Variants in METTL15 observed in about 807,000 individuals in gnomAD.
METTL15 encodes the protein 12S rRNA N(4)-cytidine methyltransferase METTL15.
METTL15 carries 34 observed loss-of-function variants against 38.3 expected under a neutral mutation model. The ratio of observed to expected loss-of-function variants is 0.89; its 90% CI spans 0.68 to 1.18. The LOEUF (loss-of-function observed/expected upper bound fraction) is 1.18, where lower values mean the gene tolerates loss of function less well. Ranked by LOEUF, METTL15 falls within the 50% of genes most tolerant of loss-of-function variation. METTL15 has a pLI of 0.00. For synonymous variants in METTL15, 162 were observed against 170.9 expected (o/e 0.95, Z 0.41); for missense variants, 438 against 498.4 (o/e 0.88, Z 1.15).
intron 2 of METTL15, among the ~76,000 whole-genome samples, chr11:28,111,172 T>C (rs1204460064): frequency 6.6e-6 from 1 of 152,236 alleles, no homozygotes; most frequent in African/African-American, 2.4e-5. Context: ...TAGTTCATAA[T>C]AAAATATTCA....
intron 6 of METTL15, chr11:28,327,432 C>G (rs941401654): frequency 1.3e-5 from 2 of 152,266 alleles, no homozygotes; most frequent in Admixed American, 1.3e-4. Context: ...AAAAGCTTGT[C>G]TGATTGCAGT....
intron 6 of METTL15, among the ~76,000 whole-genome samples, chr11:28,465,926 T>C (rs1429059706): frequency 6.6e-6 from 1 of 152,220 alleles, no homozygotes; most frequent in Non-Finnish European, 1.5e-5. Context: ...CAGTTGAGAA[T>C]CACTGTTTTC....
At chr11:28,374,775 C>A (rs1013373374) in intron 5 of METTL15, among the ~76,000 whole-genome samples, 6 of 150,976 alleles carry the variant, frequency 4.0e-5, no homozygotes, top group African/African-American at 7.3e-5. Context: ...CAGTTTTTGC[C>A]CATTCAGTAT....
chr11:28,391,180 G>T (rs1472201502), intron 5 of METTL15, among the ~76,000 whole-genome samples: 3 of 151,992 alleles, frequency 2.0e-5, no homozygotes, highest in African/African-American at 7.2e-5. Context: ...TGCAAACAGG[G>T]ACAATTTGAC....
At chr11:28,135,403 T>C (rs1263200978) in intron 3 of METTL15, among the ~76,000 whole-genome samples, 5 of 152,158 alleles carry the variant, frequency 3.3e-5, no homozygotes, top group Admixed American at 3.3e-4. Flanking sequence ...ATGAGTTGGG[T>C]AAATTCCTCC....
chr11:28,455,431 T>G (rs1851159915), intron 6 of METTL15, among the ~76,000 whole-genome samples: 1 of 152,106 alleles, frequency 6.6e-6, no homozygotes, highest in Admixed American at 6.5e-5. Flanking sequence ...GACAATGCAT[T>G]AAGGCCATTT....
chr11:28,461,204 CTT>C (rs1021977675), intron 6 of METTL15, among the ~76,000 whole-genome samples: 1 of 152,068 alleles, frequency 6.6e-6, no homozygotes, highest in African/African-American at 2.4e-5. Flanking sequence ...CCATTTATTT[CTT>C]CCTCGTTTTG....
chr11:28,154,585 T>TA (rs770914304), intron 3 of METTL15, among the ~76,000 whole-genome samples: 70 of 152,266 alleles, frequency 4.6e-4, no homozygotes, highest in Non-Finnish European at 8.5e-4. Context: ...CTTGAATAAA[T>TA]AAAGTTGTAA....
intron 5 of METTL15, among the ~76,000 whole-genome samples, chr11:28,376,143 G>A (rs1312380214): frequency 2.0e-5 from 3 of 151,856 alleles, no homozygotes; most frequent in Non-Finnish European, 2.9e-5. Flanking sequence ...TGTATATTCT[G>A]TTGATTTGGG....
chr11:28,282,067 T>G (rs1003123047), intron 4 of METTL15, among the ~76,000 whole-genome samples: 3 of 152,204 alleles, frequency 2.0e-5, no homozygotes, highest in Non-Finnish European at 4.4e-5. Context: ...AGGACAATGG[T>G]TAGTAAAGAT....
chr11:28,455,973 T>C (rs1018528900), intron 6 of METTL15, among the ~76,000 whole-genome samples: 3 of 152,218 alleles, frequency 2.0e-5, no homozygotes, highest in East Asian at 1.9e-4. Flanking sequence ...CCCAAAGTGC[T>C]GGGATTACAG....
chr11:28,422,684 C>A (rs568957212), intron 5 of METTL15, among the ~76,000 whole-genome samples: 8 of 152,050 alleles, frequency 5.3e-5, no homozygotes, highest in African/African-American at 1.7e-4. Flanking sequence ...TTGCCATATA[C>A]AAAAATAAAA....
chr11:28,297,079 T>G, intron 6 of METTL15, 148 bp downstream of exon 6: 2 of 808,702 alleles, frequency 2.5e-6, no homozygotes, highest in Non-Finnish European at 3.8e-6. Flanking sequence ...AAATCCAGGA[T>G]AGAATCTTGC....
intron 5 of METTL15, among the ~76,000 whole-genome samples, chr11:28,382,016 A>G (rs1850391689): frequency 6.6e-6 from 1 of 151,936 alleles, no homozygotes; most frequent in African/African-American, 2.4e-5. Context: ...TATTGGATAT[A>G]CTTGCTTAGA....
intron 3 of METTL15, among the ~76,000 whole-genome samples, chr11:28,135,122 A>G (rs895213607): frequency 2.6e-5 from 4 of 152,226 alleles, no homozygotes; most frequent in Non-Finnish European, 4.4e-5. Context: ...AACTGATGAG[A>G]TTAGAATTTA....
chr11:28,307,991 G>C (rs1254086395), intron 6 of METTL15, among the ~76,000 whole-genome samples: 1 of 151,990 alleles, frequency 6.6e-6, no homozygotes, highest in Non-Finnish European at 1.5e-5. Flanking sequence ...AATTATGAGA[G>C]TATGTTGCTA....
intron 3 of METTL15, among the ~76,000 whole-genome samples, chr11:28,157,906 A>G (rs2133734770): frequency 6.6e-6 from 1 of 152,272 alleles, no homozygotes; most frequent in Admixed American, 6.5e-5. Flanking sequence ...CCGAGGCACC[A>G]CCTGAAAGTA....
At chr11:28,270,199 G>T (rs1855587089) in intron 4 of METTL15, among the ~76,000 whole-genome samples, 1 of 152,048 alleles carries the variant, frequency 6.6e-6, no homozygotes, top group Admixed American at 6.5e-5. Context: ...TATGGCATCT[G>T]ATCATTATTT....
chr11:28,334,175 C>T (rs1384974455), downstream of METTL15, among the ~76,000 whole-genome samples: 2 of 151,894 alleles, frequency 1.3e-5, no homozygotes, highest in African/African-American at 2.4e-5. Context: ...CACCACTCTC[C>T]CTCTTTTTAT....
Sources: allele counts gnomAD v4.1 joint callset (sites outside exome capture counted in the v4.1 genomes callset), GRCh38; gene constraint gnomAD v4.1.1; transcripts MANE v1.5; gene names NCBI Gene and HGNC (gene_info 2026-07-23, HGNC 2026-07-21).